Variants in PAPPA2 observed in about 807,000 individuals in gnomAD.
PAPPA2 encodes pappalysin 2, also known as pappalysin-2.
PAPPA2 carries 86 observed loss-of-function variants against 176.4 expected under a neutral mutation model. That is an observed-to-expected ratio of 0.49 (90% CI 0.41 to 0.58). The LOEUF (loss-of-function observed/expected upper bound fraction) is 0.58, where lower values mean the gene tolerates loss of function less well. PAPPA2 is among the 20% of genes least tolerant of loss of function. The probability of loss-of-function intolerance (pLI) is 0.00; values close to 1 mark genes in which losing one functional copy is unlikely to be tolerated. For missense variants in PAPPA2, 2,073 were observed against 2,256.9 expected, an observed-to-expected ratio of 0.92 and a Z score of 1.65; for synonymous variants, 809 against 852.2, an observed-to-expected ratio of 0.95 and a Z score of 0.88.
chr1:176,535,479 A>C (rs973206181), intron 1 of PAPPA2, among the ~76,000 whole-genome samples: 6 of 152,238 alleles, frequency 3.9e-5, no homozygotes, highest in African/African-American at 1.4e-4. Flanking sequence ...CAGAGACATA[A>C]TACACAAATA....
At position 176,792,220 on chromosome 1, in the gene PAPPA2, G is replaced by C. The variant is rs556040145; in HGVS notation, c.5020+738G>C. Among the ~76,000 whole-genome samples the C allele has an allele frequency of 1.1e-4, 17 of 152,334 alleles. No individual in the cohort carries two copies. In the East Asian group the frequency reaches 3.1e-3, roughly 28 times the overall value. The stretch of plus-strand genomic sequence containing the variant: ...ACAATTAAAGGTCTTCGTGGCCAGA[G>C]CTGATTTATAGTCATGTTAACTTTG... On this transcript the variant is annotated intron_variant, in intron 19 of 22. Coordinates refer to ENST00000367662, the MANE Select transcript of PAPPA2 (RefSeq NM_020318.3).
intron 14 of PAPPA2, among the ~76,000 whole-genome samples, chr1:176,743,234 GA>G (rs545738586): frequency 2.6e-4 from 39 of 151,610 alleles, no homozygotes; most frequent in African/African-American, 6.5e-4. Flanking sequence ...TTATTTTCTG[GA>G]AAAAAAATGC....
intron 3 of PAPPA2, among the ~76,000 whole-genome samples, chr1:176,645,849 G>A (rs989774495): frequency 2.0e-5 from 3 of 151,628 alleles, no homozygotes; most frequent in African/African-American, 7.3e-5. Flanking sequence ...GTGATGTTGA[G>A]CATTTTTTTC....
chr1:176,790,621 A>G (rs953662601), intron 18 of PAPPA2, among the ~76,000 whole-genome samples: 3 of 152,182 alleles, frequency 2.0e-5, no homozygotes, highest in Non-Finnish European at 2.9e-5. Flanking sequence ...TGAAAAGAAT[A>G]TGGCAGAAAA....
rs773217110 is a variant in PAPPA2, at chr1:176,541,101, A to C, written c.-916-14306A>C. ...TGAGTAAATGGCTGCTTGAGCAAGGATAAGCTTCCTGGATGATATTTAGAA... is the reference window on the plus strand; with the variant it reads ...TGAGTAAATGGCTGCTTGAGCAAGGCTAAGCTTCCTGGATGATATTTAGAA... On this transcript the variant is annotated intron_variant, in intron 1 of 22. Transcript: ENST00000367662. 3.7e-4 allele frequency among the ~76,000 whole-genome samples: 56 copies of C among 152,302 alleles called. No homozygotes were observed. The Middle Eastern group carries it at 0.01, about 28-fold the overall frequency.
At chr1:176,548,983 A>G (rs1230620914) in intron 1 of PAPPA2, among the ~76,000 whole-genome samples, 1 of 152,196 alleles carries the variant, frequency 6.6e-6, no homozygotes, top group Non-Finnish European at 1.5e-5. Flanking sequence ...ATTAGTATAT[A>G]TGAAGTGGCC....
chr1:176,777,038 T>C (rs1664484979), intron 17 of PAPPA2, among the ~76,000 whole-genome samples: 1 of 152,098 alleles, frequency 6.6e-6, no homozygotes, highest in Non-Finnish European at 1.5e-5. Context: ...AAAAATGCTT[T>C]TAGTTTCAGC....
chr1:176,529,579 A>G (rs1012254595), intron 1 of PAPPA2, among the ~76,000 whole-genome samples: 14 of 152,174 alleles, frequency 9.2e-5, no homozygotes, highest in Admixed American at 8.5e-4. Context: ...TTAGCTCAAG[A>G]GAGCTACTGC....
chr1:176,802,957 G>T (rs1382152684), intron 21 of PAPPA2, among the ~76,000 whole-genome samples: 1 of 152,154 alleles, frequency 6.6e-6, no homozygotes, highest in Non-Finnish European at 1.5e-5. Flanking sequence ...AGTTGTTGCT[G>T]CTTGTGTTCC....
intron 17 of PAPPA2, among the ~76,000 whole-genome samples, chr1:176,785,445 C>T (rs1048050462): frequency 2.6e-5 from 4 of 152,068 alleles, no homozygotes; most frequent in African/African-American, 7.2e-5. Flanking sequence ...GGAGAGACGG[C>T]AGTGCAAAGC....
At chr1:176,781,416 A>G (rs1490281318) in intron 17 of PAPPA2, among the ~76,000 whole-genome samples, 2 of 127,886 alleles carry the variant, frequency 1.6e-5, no homozygotes, top group African/African-American at 6.3e-5. Flanking sequence ...AAGAAGGCCA[A>G]ATCTAATATG....
Position 176,739,618 on chromosome 1 carries a change from A to G in PAPPA2, c.3799-8A>G. The G allele has an allele frequency of 2.5e-6, 4 of 1,610,838 alleles. No individual in the cohort carries two copies. The highest frequency in any genetic ancestry group is 2.5e-6 in the Non-Finnish European group (3 of 1,178,110). On this transcript the variant is annotated splice_region_variant and splice_polypyrimidine_tract_variant and intron_variant, in intron 12 of 22. Coordinates refer to ENST00000367662, the MANE Select transcript of PAPPA2 (RefSeq NM_020318.3). Reference sequence around the variant, plus strand: ...TAATGACTTATACATAAATGTGCTTATGCTTAGGTGTGTTTCAATAGACCA... The same window carrying G: ...TAATGACTTATACATAAATGTGCTTGTGCTTAGGTGTGTTTCAATAGACCA...
At chr1:176,536,261 A>G (rs940771931) in intron 1 of PAPPA2, among the ~76,000 whole-genome samples, 2 of 152,206 alleles carry the variant, frequency 1.3e-5, no homozygotes, top group Non-Finnish European at 2.9e-5. Flanking sequence ...TTTGCCCTGG[A>G]CTGCTAGGTA....
At chr1:176,526,160 A>C (rs1649491100) in intron 1 of PAPPA2, among the ~76,000 whole-genome samples, 1 of 152,212 alleles carries the variant, frequency 6.6e-6, no homozygotes, top group South Asian at 2.1e-4. Flanking sequence ...TGGTCTCTGG[A>C]GTCCTCCATT....
At chr1:176,530,031 C>T (rs1318905376) in intron 1 of PAPPA2, among the ~76,000 whole-genome samples, 1 of 152,128 alleles carries the variant, frequency 6.6e-6, no homozygotes, top group African/African-American at 2.4e-5. Flanking sequence ...CACACATTCT[C>T]TCTCTTTCGT....
At chr1:176,809,930 C>A (rs1409043997) in intron 21 of PAPPA2, among the ~76,000 whole-genome samples, 1 of 138,962 alleles carries the variant, frequency 7.2e-6, no homozygotes, top group African/African-American at 2.8e-5. Flanking sequence ...GTTTTGTCTC[C>A]TTATTTTTAG....
intron 14 of PAPPA2, among the ~76,000 whole-genome samples, chr1:176,744,396 C>A (rs955330256): frequency 8.5e-5 from 13 of 152,188 alleles, no homozygotes; most frequent in African/African-American, 2.9e-4. Context: ...CAGATTTTGC[C>A]ATGTCCAACT....
chr1:176,597,887 A>G (rs1372321928), intron 3 of PAPPA2, among the ~76,000 whole-genome samples: 2 of 152,138 alleles, frequency 1.3e-5, no homozygotes, highest in Non-Finnish European at 2.9e-5. Context: ...TCCAGGTATT[A>G]TTCTCCTCAG....
At chr1:176,607,855 G>A (rs143158155) in intron 3 of PAPPA2, among the ~76,000 whole-genome samples, 59 of 152,186 alleles carry the variant, frequency 3.9e-4, no homozygotes, top group Non-Finnish European at 4.7e-4. Context: ...GTTGTATTTA[G>A]TTCTTTGTCA....
Sources: gnomAD v4.1 joint callset for allele counts (sites outside exome capture counted in the v4.1 genomes callset) on GRCh38, gnomAD v4.1.1 for gene constraint, MANE v1.5 for transcripts, NCBI Gene and HGNC (gene_info 2026-07-23, HGNC 2026-07-21) for gene names.